PHF21B: variants seen among roughly 807,000 people sequenced by gnomAD.
The protein encoded by PHF21B is PHD finger protein 4.
PHF21B carries 22 observed loss-of-function variants against 62.2 expected under a neutral mutation model. The observed-to-expected ratio is 0.35, with a 90% CI of 0.25 to 0.51. The LOEUF (loss-of-function observed/expected upper bound fraction) is 0.51. PHF21B is among the 20% of genes least tolerant of loss of function. PHF21B has a pLI of 0.97. For missense variants in PHF21B, 701 were observed against 707.9 expected, an observed-to-expected ratio of 0.99 and a Z score of 0.11; for synonymous variants, 341 against 314.7, an observed-to-expected ratio of 1.08 and a Z score of -0.88.
chr22:44,957,671 A>G (rs1285285329), intron 2 of PHF21B, among the ~76,000 whole-genome samples: 1 of 152,086 alleles, frequency 6.6e-6, no homozygotes, highest in East Asian at 1.9e-4. Flanking sequence ...GTGCAAACAC[A>G]CCAGGCATCA....
intron 2 of PHF21B, among the ~76,000 whole-genome samples, chr22:44,935,946 G>A (rs757675030): frequency 2.0e-5 from 3 of 152,202 alleles, no homozygotes; most frequent in Admixed American, 6.5e-5. Context: ...CTGGCGCCAC[G>A]CCGTGCTGCC....
chr22:44,905,929 C>A (rs1210450804), intron 5 of PHF21B, among the ~76,000 whole-genome samples: 2 of 152,250 alleles, frequency 1.3e-5, no homozygotes, highest in African/African-American at 4.8e-5. Flanking sequence ...CTCCCTCACG[C>A]TTACCCTTCC....
chr22:44,947,647 G>C (rs563344272), intron 2 of PHF21B, among the ~76,000 whole-genome samples: 2 of 152,314 alleles, frequency 1.3e-5, no homozygotes, highest in Non-Finnish European at 1.5e-5. Flanking sequence ...GACCCTGTGG[G>C]GACCAGAGTG....
intron 5 of PHF21B, among the ~76,000 whole-genome samples, chr22:44,901,048 T>C (rs1231429236): frequency 6.6e-6 from 1 of 152,278 alleles, no homozygotes; most frequent in Non-Finnish European, 1.5e-5. Flanking sequence ...TCCTGTGAGA[T>C]GTGCACTCAC....
intron 2 of PHF21B, among the ~76,000 whole-genome samples, chr22:44,997,050 G>A (rs1171566659): frequency 6.6e-6 from 1 of 152,090 alleles, no homozygotes; most frequent in Non-Finnish European, 1.5e-5. Flanking sequence ...CCGAGTCTCT[G>A]AGCACCACAA....
chr22:44,945,292 G>A (rs1464359026), intron 2 of PHF21B, among the ~76,000 whole-genome samples: 3 of 152,210 alleles, frequency 2.0e-5, no homozygotes, highest in African/African-American at 7.2e-5. Flanking sequence ...GGTAGGAGCA[G>A]CAGGGGTCTG....
chr22:44,982,900 C>T (rs918571029), intron 2 of PHF21B, among the ~76,000 whole-genome samples: 1 of 29,316 alleles, frequency 3.4e-5, no homozygotes, highest in Non-Finnish European at 7.4e-5. Context: ...TCAAAGCCAG[C>T]AGAGATTATG....
chr22:45,005,495 A>G (rs1202981355), intron 2 of PHF21B, among the ~76,000 whole-genome samples: 2 of 152,222 alleles, frequency 1.3e-5, no homozygotes, highest in Non-Finnish European at 2.9e-5. Context: ...ACATATCTCT[A>G]TCTACCCTGA....
At chr22:44,970,060 C>T (rs866522215) in intron 2 of PHF21B, among the ~76,000 whole-genome samples, 57 of 152,362 alleles carry the variant, frequency 3.7e-4, no homozygotes, top group African/African-American at 1.3e-3. Flanking sequence ...CAGCTCCACG[C>T]TAGCACTGGC....
chr22:44,889,708 T>C, intron 9 of PHF21B, 52 bp downstream of exon 9: 1 of 1,573,330 alleles, frequency 6.4e-7, no homozygotes, highest in Non-Finnish European at 8.6e-7. Flanking sequence ...AGGACTGTAC[T>C]GAAAACATTC....
rs538116195 is a variant in PHF21B, at chr22:44,950,645, G to A, written c.121-30155C>T. On this transcript the variant is annotated intron_variant, in intron 2 of 12. Transcript: ENST00000313237. ...GCAAGGTGCTTGGTCTCCATGTGGCGAAGCGGTTTTGAAGGTTTTACGGCT... is the reference window on the plus strand; with the variant it reads ...GCAAGGTGCTTGGTCTCCATGTGGCAAAGCGGTTTTGAAGGTTTTACGGCT... 2.6e-5 allele frequency among the ~76,000 whole-genome samples: 4 copies of A among 152,172 alleles called. No homozygotes were observed. The South Asian group carries it at 8.3e-4, about 32-fold the overall frequency.
chr22:44,916,764 G>A, intron 3 of PHF21B, 134 bp from the exon 4 acceptor site: 1 of 830,346 alleles, frequency 1.2e-6, no homozygotes. Flanking sequence ...GCCTGTCACG[G>A]CCTCACAGCA....
intron 2 of PHF21B, among the ~76,000 whole-genome samples, chr22:44,976,245 C>T (rs1185223384): frequency 1.3e-5 from 2 of 152,206 alleles, no homozygotes; most frequent in Non-Finnish European, 2.9e-5. Context: ...GATGCATGTA[C>T]ATATTGTGTA....
At chr22:44,910,887 C>G (rs1171565499) in intron 5 of PHF21B, among the ~76,000 whole-genome samples, 2 of 152,134 alleles carry the variant, frequency 1.3e-5, no homozygotes, top group Admixed American at 6.5e-5. Context: ...CAGAAGAAGA[C>G]AGAAAAATAT....
At chr22:45,005,599 C>A (rs2073301408) in intron 2 of PHF21B, among the ~76,000 whole-genome samples, 1 of 152,178 alleles carries the variant, frequency 6.6e-6, no homozygotes, top group South Asian at 2.1e-4. Context: ...GCGCTAAGGG[C>A]ATGAATGAGA....
intron 2 of PHF21B, among the ~76,000 whole-genome samples, chr22:44,956,827 T>TCTCCCTCCTCCTCCGAC (rs1226663243): frequency 6.6e-6 from 1 of 152,104 alleles, no homozygotes; most frequent in African/African-American, 2.4e-5. Flanking sequence ...CGCGGTGGGC[T>TCTCCCTCCTCCTCCGAC]CTCCCTCCTC....
At chr22:44,888,954 C>T (rs1860505117) in intron 9 of PHF21B, among the ~76,000 whole-genome samples, 2 of 152,228 alleles carry the variant, frequency 1.3e-5, no homozygotes, top group Admixed American at 6.5e-5. Flanking sequence ...AGCTCAGGCT[C>T]CAGGTGTCCC....
intron 2 of PHF21B, among the ~76,000 whole-genome samples, chr22:44,922,425 G>C (rs986170950): frequency 1.2e-4 from 18 of 152,174 alleles, no homozygotes; most frequent in African/African-American, 3.9e-4. Context: ...CTGAGGTCAG[G>C]AGTTCAAGAC....
intron 3 of PHF21B, among the ~76,000 whole-genome samples, chr22:44,918,283 G>T (rs1037201177): frequency 6.6e-6 from 1 of 152,200 alleles, no homozygotes; most frequent in African/African-American, 2.4e-5. Context: ...TGTTCTGGTC[G>T]ATCATCTGGG....
Sources: allele counts gnomAD v4.1 joint callset (sites outside exome capture counted in the v4.1 genomes callset), GRCh38; gene constraint gnomAD v4.1.1; transcripts MANE v1.5; gene names NCBI Gene and HGNC (gene_info 2026-07-23, HGNC 2026-07-21).